The following NOL4L variants were observed in gnomAD, a reference collection of about 807,000 sequenced individuals.
NOL4L encodes the protein nucleolar protein 4-like.
A neutral mutation model predicts 64.5 loss-of-function variants in NOL4L; 7 were observed. The observed-to-expected ratio is 0.11, with a 90% confidence interval of 0.06 to 0.20. The LOEUF (loss-of-function observed/expected upper bound fraction) is 0.20. Ranked by LOEUF, NOL4L falls within the 10% of genes least tolerant of loss-of-function variation. NOL4L has a pLI of 1.00. For synonymous variants in NOL4L, 413 were observed against 401.0 expected, an observed-to-expected ratio of 1.03 and a Z score of -0.36; for missense variants, 680 against 967.1, an observed-to-expected ratio of 0.70 and a Z score of 3.94.
intron 3 of NOL4L, among the ~76,000 whole-genome samples, chr20:32,512,129 G>A (rs1017881792): frequency 2.6e-5 from 4 of 152,150 alleles, no homozygotes; most frequent in East Asian, 1.9e-4. Context: ...CCCCACTCCC[G>A]AAGGCAAGCA....
At chr20:32,481,155 T>C (rs2015690985) in intron 4 of NOL4L, among the ~76,000 whole-genome samples, 1 of 152,220 alleles carries the variant, frequency 6.6e-6, no homozygotes, top group Non-Finnish European at 1.5e-5. Context: ...ACCTGGATGC[T>C]GGAAGTGAGC....
At chr20:32,488,885 T>A (rs1477451895) in intron 4 of NOL4L, among the ~76,000 whole-genome samples, 1 of 137,326 alleles carries the variant, frequency 7.3e-6, no homozygotes, top group Admixed American at 7.6e-5. Context: ...CTTTCTTTCT[T>A]TCTTTCTTTC....
intron 4 of NOL4L, among the ~76,000 whole-genome samples, chr20:32,508,593 G>A (rs1454901237): frequency 1.3e-5 from 2 of 152,158 alleles, no homozygotes; most frequent in African/African-American, 4.8e-5. Flanking sequence ...ATCTCCTGCC[G>A]CACTCAGAAG....
chr20:32,575,190 G>A (rs1006300108), intron 1 of NOL4L, among the ~76,000 whole-genome samples: 24 of 152,138 alleles, frequency 1.6e-4, no homozygotes, highest in African/African-American at 5.3e-4. Context: ...TGCCTGATGC[G>A]ATGGGCTCTT....
chr20:32,583,450 C>A (rs1600898270), intron 1 of NOL4L, among the ~76,000 whole-genome samples: 1 of 133,266 alleles, frequency 7.5e-6, no homozygotes, highest in African/African-American at 2.8e-5. Context: ...GGGGGAGGAG[C>A]GCGGAGGGGG....
chr20:32,501,117 T>C (rs1203821294), intron 4 of NOL4L, among the ~76,000 whole-genome samples: 1 of 152,182 alleles, frequency 6.6e-6, no homozygotes, highest in African/African-American at 2.4e-5. Flanking sequence ...GAGAGAAACC[T>C]GACAACCAAT....
At chr20:32,482,046 C>G (rs935187816) in intron 4 of NOL4L, among the ~76,000 whole-genome samples, 3 of 151,984 alleles carry the variant, frequency 2.0e-5, no homozygotes, top group Admixed American at 1.3e-4. Context: ...TATTTCAAGC[C>G]ACAATCCTTC....
Position 32,492,651 on chromosome 20 carries a change from G to A in NOL4L, c.700-17909C>T, listed in dbSNP as rs909393009. On this transcript the variant is annotated intron_variant, in intron 4 of 10. Transcript: ENST00000621426. ...AAGCAGCCTGGAGCTCGCTGTAGTCGATTACTGCAACCCACTGGACACCAG... is the reference window on the plus strand; with the variant it reads ...AAGCAGCCTGGAGCTCGCTGTAGTCAATTACTGCAACCCACTGGACACCAG... 3.9e-5 allele frequency among the ~76,000 whole-genome samples: 6 copies of A among 152,224 alleles called. No individual in the cohort carries two copies. The East Asian group carries it at 5.8e-4, about 15-fold the overall frequency.
intron 1 of NOL4L, among the ~76,000 whole-genome samples, chr20:32,542,045 G>GT (rs2145598556): frequency 6.6e-6 from 1 of 152,342 alleles, no homozygotes; most frequent in African/African-American, 2.4e-5. Flanking sequence ...CAGGCGGGTG[G>GT]TGGGGGGCGC....
chr20:32,459,803 G>A (rs2013882333), intron 5 of NOL4L, among the ~76,000 whole-genome samples: 1 of 152,180 alleles, frequency 6.6e-6, no homozygotes, highest in Admixed American at 6.5e-5. Context: ...CAAAGTGCTG[G>A]GATGACAGAC....
intron 1 of NOL4L, among the ~76,000 whole-genome samples, chr20:32,562,446 C>A (rs538576141): frequency 3.4e-4 from 52 of 152,296 alleles, no homozygotes; most frequent in African/African-American, 1.2e-3. Flanking sequence ...TGGCTCCGCC[C>A]ACCTCAGGTT....
chr20:32,457,247 C>T (rs1568603531), intron 5 of NOL4L, among the ~76,000 whole-genome samples: 1 of 152,190 alleles, frequency 6.6e-6, no homozygotes, highest in African/African-American at 2.4e-5. Flanking sequence ...CCAGCCCCAG[C>T]CCCAGCCCCG....
intron 1 of NOL4L, among the ~76,000 whole-genome samples, chr20:32,544,018 T>C (rs1161164418): frequency 2.0e-5 from 3 of 151,584 alleles, no homozygotes; most frequent in African/African-American, 7.3e-5. Context: ...TGTAGGATGG[T>C]GGGGAGGCTA....
At chr20:32,580,534 G>C (rs927272574) in intron 1 of NOL4L, among the ~76,000 whole-genome samples, 3 of 152,222 alleles carry the variant, frequency 2.0e-5, no homozygotes, top group Non-Finnish European at 4.4e-5. Context: ...ACCACCATTA[G>C]TCAATTTGGG....
chr20:32,475,918 C>A (rs2015363936), intron 4 of NOL4L, among the ~76,000 whole-genome samples: 1 of 152,220 alleles, frequency 6.6e-6, no homozygotes, highest in South Asian at 2.1e-4. Context: ...CCCCCACCGG[C>A]TGGGCTGGTA....
At chr20:32,489,150 T>C (rs1348196544) in intron 4 of NOL4L, among the ~76,000 whole-genome samples, 1 of 151,072 alleles carries the variant, frequency 6.6e-6, no homozygotes, top group Non-Finnish European at 1.5e-5. Context: ...TTTAGGGCTT[T>C]AGGGCTTCAG....
intron 5 of NOL4L, among the ~76,000 whole-genome samples, chr20:32,461,421 C>CTTTTTT (rs869282447): frequency 3.4e-4 from 20 of 58,338 alleles, no homozygotes; most frequent in Non-Finnish European, 4.2e-4. Context: ...CCTTTCTTTT[C>CTTTTTT]TTTTTTTTTT....
chr20:32,489,744 A>G (rs969825436), intron 4 of NOL4L, among the ~76,000 whole-genome samples: 1 of 151,840 alleles, frequency 6.6e-6, no homozygotes, highest in Non-Finnish European at 1.5e-5. Context: ...TGGGAGGCAG[A>G]GCTTGCGGTT....
intron 1 of NOL4L, among the ~76,000 whole-genome samples, chr20:32,553,953 G>A (rs1282007157): frequency 6.6e-6 from 1 of 152,154 alleles, no homozygotes; most frequent in Non-Finnish European, 1.5e-5. Context: ...GGAACTCTCT[G>A]GACTATCTTT....
Sources: allele counts gnomAD v4.1 joint callset (sites outside exome capture counted in the v4.1 genomes callset), GRCh38; gene constraint gnomAD v4.1.1; transcripts MANE v1.5; gene names NCBI Gene and HGNC (gene_info 2026-07-23, HGNC 2026-07-21).